LPP: variants seen among roughly 807,000 people sequenced by gnomAD.
The protein encoded by LPP is lipoma-preferred partner.
A neutral mutation model predicts 60.4 loss-of-function variants in LPP; 38 were observed. The observed-to-expected ratio is 0.63, with a 90% CI of 0.49 to 0.83. LPP has a LOEUF of 0.83. Ranked by LOEUF, LPP falls within the 40% of genes least tolerant of loss-of-function variation. LPP has a pLI of 0.00. For missense variants in LPP, 902 were observed against 783.6 expected, an observed-to-expected ratio of 1.15 and a Z score of -1.80; for synonymous variants, 328 against 290.8, an observed-to-expected ratio of 1.13 and a Z score of -1.30.
At chr3:188,278,304 C>T in intron 2 of LPP, among the ~76,000 whole-genome samples, 1 of 152,112 alleles carries the variant, frequency 6.6e-6, no homozygotes, top group East Asian at 1.9e-4. Context: ...TTTATTTTTA[C>T]CCTACTCACC....
intron 3 of LPP, among the ~76,000 whole-genome samples, chr3:188,375,720 A>C (rs934504924): frequency 1.3e-5 from 2 of 151,366 alleles, no homozygotes; most frequent in Non-Finnish European, 1.5e-5. Context: ...TTCTGCTCTG[A>C]TCTTAGTTAT....
intron 7 of LPP, among the ~76,000 whole-genome samples, chr3:188,661,747 G>A (rs969171648): frequency 6.6e-6 from 1 of 152,032 alleles, no homozygotes; most frequent in Non-Finnish European, 1.5e-5. Context: ...TCTCATAAAC[G>A]CTTGACAAAG....
At chr3:188,714,764 C>G (rs896372835) in intron 8 of LPP, among the ~76,000 whole-genome samples, 3 of 152,120 alleles carry the variant, frequency 2.0e-5, no homozygotes, top group Admixed American at 1.3e-4. Flanking sequence ...GATACAGTCT[C>G]TATACTGTGG....
At chr3:188,764,447 A>G (rs1349524492) in intron 9 of LPP, among the ~76,000 whole-genome samples, 1 of 152,168 alleles carries the variant, frequency 6.6e-6, no homozygotes, top group African/African-American at 2.4e-5. Context: ...GTGATACACT[A>G]TAGAAACCCT....
chr3:188,681,970 C>T (rs141723835), intron 7 of LPP, among the ~76,000 whole-genome samples: 1 of 152,180 alleles, frequency 6.6e-6, no homozygotes, highest in Admixed American at 6.5e-5. Flanking sequence ...TGAACAGCAC[C>T]TTTCAAGGAG....
chr3:188,272,185 AT>A (rs1291721888), intron 2 of LPP, among the ~76,000 whole-genome samples: 2 of 152,092 alleles, frequency 1.3e-5, no homozygotes, highest in Admixed American at 1.3e-4. Context: ...TGAGGCCTTC[AT>A]TTCTCCGTCT....
intron 5 of LPP, among the ~76,000 whole-genome samples, chr3:188,519,532 C>T (rs1286699523): frequency 6.6e-6 from 1 of 152,102 alleles, no homozygotes; most frequent in Non-Finnish European, 1.5e-5. Flanking sequence ...ACACTACTGG[C>T]ACCACTAGTG....
chr3:188,450,163 G>A (rs1321386055), intron 4 of LPP, among the ~76,000 whole-genome samples: 1 of 152,140 alleles, frequency 6.6e-6, no homozygotes, highest in Non-Finnish European at 1.5e-5. Context: ...TATTATTCGT[G>A]TGAGTTAGAT....
At chr3:188,453,889 GAT>G (rs1223272404) in intron 4 of LPP, among the ~76,000 whole-genome samples, 1 of 152,080 alleles carries the variant, frequency 6.6e-6, no homozygotes, top group Non-Finnish European at 1.5e-5. Context: ...GAACTGTGGA[GAT>G]TCTAACTCAC....
intron 9 of LPP, among the ~76,000 whole-genome samples, chr3:188,787,356 A>G (rs1352673784): frequency 2.0e-5 from 3 of 152,208 alleles, no homozygotes; most frequent in African/African-American, 7.2e-5. Flanking sequence ...TAACTGAAAA[A>G]TTAATTAAAT....
chr3:188,698,663 G>C (rs553149632), intron 7 of LPP, among the ~76,000 whole-genome samples: 1 of 152,150 alleles, frequency 6.6e-6, no homozygotes, highest in African/African-American at 2.4e-5. Flanking sequence ...TTGCCTACCC[G>C]GCAGGATAAC....
At chr3:188,179,145 A>G (rs763445218) in intron 1 of LPP, 2 of 407,924 alleles carry the variant, frequency 4.9e-6, no homozygotes, top group South Asian at 1.8e-5. Flanking sequence ...TGGGGTCTAC[A>G]TATTCCCCCC....
Position 188,248,510 on chromosome 3 carries a change from G to A in LPP, c.-67+22983G>A, listed in dbSNP as rs914412761. On this transcript the variant is annotated intron_variant, in intron 2 of 11. Transcript: ENST00000617246. ...TATATATATATATACAGTCAGCAGAGCTTGTTTTGGAATCAGAGGGCTGAG... is the reference window on the plus strand; with the variant it reads ...TATATATATATATACAGTCAGCAGAACTTGTTTTGGAATCAGAGGGCTGAG... Among the ~76,000 whole-genome samples, 3 of 84,786 alleles carry A rather than the reference G, an allele frequency of 3.5e-5. 1 individual carries two copies. Among genetic ancestry groups the A allele is most frequent in the African/African-American group, 1.4e-4 (3 of 20,766 alleles). The allele number at this position is 84,786 out of a possible 152,430, so 55.6% of individuals were successfully genotyped here.
At chr3:188,825,013 A>G (rs181290242) in intron 9 of LPP, among the ~76,000 whole-genome samples, 19 of 152,290 alleles carry the variant, frequency 1.2e-4, no homozygotes, top group Admixed American at 5.9e-4. Context: ...GCAGCTGCAT[A>G]ATGGCTAGAA....
At position 188,889,984 on chromosome 3, in the gene LPP, AT is replaced by A. The variant is rs111238778; in HGVS notation, c.*15515del. 1.1e-3 allele frequency: 222 copies of A among 208,290 alleles called. No individual in the cohort carries two copies. The highest frequency in any genetic ancestry group is 4.7e-3 in the Middle Eastern group (3 of 638). 12.9% of individuals were successfully genotyped at this position (208,290 alleles called of 1,614,324 possible). ...GTCATAAGGATGTTGGGATACAGAG[AT>A]TTTTTTTTTCCTTGGAAACAAATGG... On this transcript the variant is annotated 3_prime_UTR_variant, in exon 12 of 12. Transcript: ENST00000617246.
At chr3:188,850,634 G>T (rs1762477938) in intron 9 of LPP, among the ~76,000 whole-genome samples, 1 of 152,106 alleles carries the variant, frequency 6.6e-6, no homozygotes, top group East Asian at 1.9e-4. Flanking sequence ...TTTAAAAAAA[G>T]AAAGAAAACA....
intron 2 of LPP, among the ~76,000 whole-genome samples, chr3:188,340,958 A>G (rs1284304535): frequency 2.6e-5 from 4 of 152,194 alleles, no homozygotes; most frequent in South Asian, 4.1e-4. Context: ...TCTTATTTAA[A>G]AAGTTTAACT....
Position 188,879,266 on chromosome 3 carries a change from T to G in LPP, c.*4787T>G, listed in dbSNP as rs1769641138. The G allele has an allele frequency of 4.4e-6, 1 of 229,812 alleles. No individual in the cohort carries two copies. Among genetic ancestry groups the G allele is most frequent in the Admixed American group, 5.7e-5 (1 of 17,668 alleles). The allele number at this position is 229,812 out of a possible 1,614,324, so 14.2% of individuals were successfully genotyped here. A position where few individuals can be genotyped will look rare whatever the true frequency, so the allele number is the denominator to read the frequency against. ...TCTCTTGCTTTCTTCCTCCCTTCCT[T>G]TCTTCCTCTTCCTTCCTCCTCTTCT... On this transcript the variant is annotated 3_prime_UTR_variant, in exon 12 of 12. Coordinates refer to ENST00000617246, the MANE Select transcript of LPP (RefSeq NM_001375462.1).
intron 2 of LPP, among the ~76,000 whole-genome samples, chr3:188,294,886 G>A (rs549472280): frequency 1.3e-4 from 20 of 152,350 alleles, no homozygotes; most frequent in Middle Eastern, 3.4e-3. Flanking sequence ...AGGAGGTGCC[G>A]TTCGAGTCCT....
Sources: gnomAD v4.1 joint callset for allele counts (sites outside exome capture counted in the v4.1 genomes callset) on GRCh38, gnomAD v4.1.1 for gene constraint, MANE v1.5 for transcripts, NCBI Gene and HGNC (gene_info 2026-07-23, HGNC 2026-07-21) for gene names.